WDPCP: variants seen among roughly 807,000 people sequenced by gnomAD.
WDPCP encodes WD repeat-containing and planar cell polarity effector protein fritz homolog.
In WDPCP, 71 loss-of-function variants were observed where a neutral mutation model predicts 93.1. The ratio of observed to expected loss-of-function variants is 0.76; its 90% confidence interval spans 0.63 to 0.93. The LOEUF is 0.93. Ranked by LOEUF, WDPCP falls within the 40% of genes least tolerant of loss-of-function variation. WDPCP has a pLI of 0.00. For synonymous variants in WDPCP, 315 were observed against 315.0 expected (o/e 1.00, Z 0.00); for missense variants, 844 against 887.4 (o/e 0.95, Z 0.62).
At chr2:63,652,794 T>C (rs1172468764) in intron 2 of WDPCP, among the ~76,000 whole-genome samples, 1 of 152,214 alleles carries the variant, frequency 6.6e-6, no homozygotes, top group East Asian at 1.9e-4. Context: ...GTGTGGGCCA[T>C]TGATCTTTAT....
chr2:63,564,937 C>A (rs1297596942), intron 1 of WDPCP, among the ~76,000 whole-genome samples: 2 of 152,234 alleles, frequency 1.3e-5, no homozygotes, highest in African/African-American at 4.8e-5. Context: ...GCCACCATAC[C>A]TGGCTAATTT....
intron 14 of WDPCP, among the ~76,000 whole-genome samples, chr2:63,255,513 C>T (rs773889016): frequency 6.6e-6 from 1 of 152,096 alleles, no homozygotes; most frequent in Non-Finnish European, 1.5e-5. Context: ...TGTTAGTTCA[C>T]ATGAGAGCTA....
At position 63,471,344 on chromosome 2, in the gene WDPCP, G is replaced by A. The variant is rs190784945; in HGVS notation, c.384+13260C>T. 2.7e-3 allele frequency among the ~76,000 whole-genome samples: 405 copies of A among 152,338 alleles called. 4 individuals are homozygous for A. Among genetic ancestry groups the A allele is most frequent in the Non-Finnish European group, 3.5e-3 (239 of 68,034 alleles). ...CTAAAAGAAGGCGAAGAGCAGAAGC[G>A]GAGAAGTTATAACCCAATTCTTGGA... On this transcript the variant is annotated intron_variant, in intron 6 of 17. Transcript: ENST00000272321.
chr2:63,633,530 T>C, intron 3 of WDPCP, among the ~76,000 whole-genome samples: 1 of 152,244 alleles, frequency 6.6e-6, no homozygotes, highest in Middle Eastern at 3.4e-3. Flanking sequence ...AATAGATTGT[T>C]ATAATTATAT....
At chr2:63,205,982 A>T (rs1296994605) in intron 14 of WDPCP, among the ~76,000 whole-genome samples, 1 of 152,108 alleles carries the variant, frequency 6.6e-6, no homozygotes, top group Non-Finnish European at 1.5e-5. Context: ...GGCTTTTATT[A>T]AGCTGAGGTA....
intron 14 of WDPCP, among the ~76,000 whole-genome samples, chr2:63,231,737 T>A (rs1678906139): frequency 6.6e-6 from 1 of 152,092 alleles, no homozygotes; most frequent in South Asian, 2.1e-4. Context: ...ATCAATATCA[T>A]GAAAATGGCC....
At chr2:63,230,305 T>G (rs1038501532) in intron 14 of WDPCP, among the ~76,000 whole-genome samples, 2 of 152,136 alleles carry the variant, frequency 1.3e-5, no homozygotes, top group African/African-American at 2.4e-5. Context: ...ATGGTGTATA[T>G]GTGCCACATT....
chr2:63,583,984 G>A (rs928813886), intron 1 of WDPCP, among the ~76,000 whole-genome samples: 1 of 152,018 alleles, frequency 6.6e-6, no homozygotes, highest in African/African-American at 2.4e-5. Context: ...ATATATGTAT[G>A]TCTTAAACTA....
chr2:63,397,802 GGAGT>G (rs1465630775), intron 10 of WDPCP, among the ~76,000 whole-genome samples: 1 of 152,150 alleles, frequency 6.6e-6, no homozygotes, highest in Non-Finnish European at 1.5e-5. Context: ...AGTGTTCTGA[GGAGT>G]GAGAAGTGAA....
intron 1 of WDPCP, among the ~76,000 whole-genome samples, chr2:63,580,469 C>T (rs1708421748): frequency 6.6e-6 from 1 of 152,102 alleles, no homozygotes; most frequent in Non-Finnish European, 1.5e-5. Flanking sequence ...ATAAGACATA[C>T]TGATTTAATG....
At chr2:63,772,906 A>G (rs1046459171) in intron 2 of WDPCP, among the ~76,000 whole-genome samples, 1 of 152,066 alleles carries the variant, frequency 6.6e-6, no homozygotes, top group African/African-American at 2.4e-5. Context: ...GCCTATTGTC[A>G]CCACTGTGAT....
At chr2:63,144,864 G>A (rs1189022980) in intron 17 of WDPCP, among the ~76,000 whole-genome samples, 1 of 152,106 alleles carries the variant, frequency 6.6e-6, no homozygotes, top group Non-Finnish European at 1.5e-5. Flanking sequence ...TTGTTTTCTG[G>A]TTCCTTCTCA....
rs114401682 is a variant in WDPCP, at chr2:63,746,213, A to G, written n.308+67409T>C. ...ACTGCAATCTCTGAACATAAATTGT[A>G]AAGATTCAGGGCATTTATCACTTCC... is the stretch of plus-strand genomic sequence containing the variant. On this transcript the variant is annotated intron_variant and non_coding_transcript_variant, in intron 2 of 4. Coordinates refer to the WDPCP transcript ENST00000467687. Among the ~76,000 whole-genome samples the G allele has an allele frequency of 4.1e-3, 625 of 152,316 alleles. 3 individuals carry two copies. Among genetic ancestry groups the G allele is most frequent in the African/African-American group, 0.014 (585 of 41,568 alleles).
intron 9 of WDPCP, among the ~76,000 whole-genome samples, chr2:63,408,421 A>G (rs964402719): frequency 6.6e-6 from 1 of 152,148 alleles, no homozygotes; most frequent in Admixed American, 6.6e-5. Context: ...AGTAGCAGAA[A>G]GGCCCTGGGA....
At chr2:63,541,525 T>C (rs572490702) in intron 1 of WDPCP, among the ~76,000 whole-genome samples, 2 of 152,326 alleles carry the variant, frequency 1.3e-5, no homozygotes, top group South Asian at 4.1e-4. Flanking sequence ...TTCAAAACCA[T>C]TTATCATAAT....
intron 1 of WDPCP, among the ~76,000 whole-genome samples, chr2:63,567,104 A>T (rs943106451): frequency 6.6e-6 from 1 of 152,130 alleles, no homozygotes; most frequent in Non-Finnish European, 1.5e-5. Context: ...GTGTTCACCA[A>T]CCCAGAAGCT....
intron 14 of WDPCP, among the ~76,000 whole-genome samples, chr2:63,223,573 C>T (rs913899798): frequency 5.3e-5 from 8 of 152,042 alleles, no homozygotes; most frequent in African/African-American, 1.9e-4. Context: ...GTGAATTCTG[C>T]GAAACATAAG....
chr2:63,153,433 G>A, intron 16 of WDPCP, 62 bp downstream of exon 16: 3 of 1,291,950 alleles, frequency 2.3e-6, no homozygotes, highest in Non-Finnish European at 3.3e-6. Flanking sequence ...GAAAGTTCTT[G>A]CAAGCTATAA....
chr2:63,470,594 G>C (rs1699635108), intron 6 of WDPCP, among the ~76,000 whole-genome samples: 1 of 152,042 alleles, frequency 6.6e-6, no homozygotes, highest in East Asian at 1.9e-4. Flanking sequence ...CTGGACTACG[G>C]CAACAGCCTT....
Sources: gnomAD v4.1 joint callset for allele counts (sites outside exome capture counted in the v4.1 genomes callset) on GRCh38, gnomAD v4.1.1 for gene constraint, MANE v1.5 for transcripts, NCBI Gene and HGNC (gene_info 2026-07-23, HGNC 2026-07-21) for gene names.